Variants in RAD51B observed in about 807,000 individuals in gnomAD.
RAD51B encodes the protein DNA repair protein RAD51 homolog 2.
RAD51B carries 38 observed loss-of-function variants against 42.2 expected under a neutral mutation model. The ratio of observed to expected loss-of-function variants is 0.90; its 90% confidence interval spans 0.70 to 1.18. The LOEUF is 1.18. RAD51B is among the 50% of genes most tolerant of loss of function. The pLI is 0.00. For synonymous variants in RAD51B, 154 were observed against 145.2 expected (o/e 1.06, Z -0.43); for missense variants, 373 against 400.7 (o/e 0.93, Z 0.59).
intron 7 of RAD51B, among the ~76,000 whole-genome samples, chr14:68,119,608 G>C (rs1164397888): frequency 6.7e-6 from 1 of 148,580 alleles, no homozygotes; most frequent in Non-Finnish European, 1.5e-5. Flanking sequence ...TGAGAATGAT[G>C]ATTTCCAATT....
At chr14:68,235,703 CAAAAA>C (rs57180468) in intron 7 of RAD51B, among the ~76,000 whole-genome samples, 5 of 14,068 alleles carry the variant, frequency 3.6e-4, no homozygotes, top group African/African-American at 6.4e-4. Flanking sequence ...GACTCCGTCT[CAAAAA>C]AAAAAAAAAA....
At chr14:68,210,532 G>A (rs183431705) in intron 7 of RAD51B, among the ~76,000 whole-genome samples, 2 of 152,110 alleles carry the variant, frequency 1.3e-5, no homozygotes, top group Admixed American at 1.3e-4. Context: ...TAAGGGTGAT[G>A]GAATGACCAT....
At chr14:68,272,599 A>G (rs865894631) in intron 7 of RAD51B, among the ~76,000 whole-genome samples, 1 of 124,382 alleles carries the variant, frequency 8.0e-6, no homozygotes, top group African/African-American at 3.1e-5. Flanking sequence ...AAAAATTGAA[A>G]TGTTCTATTA....
At chr14:68,377,509 T>C (rs985206806) in intron 8 of RAD51B, among the ~76,000 whole-genome samples, 1 of 152,242 alleles carries the variant, frequency 6.6e-6, no homozygotes, top group African/African-American at 2.4e-5. Flanking sequence ...AGCAGAAGAA[T>C]CCAGCCTTGG....
At chr14:68,379,948 T>C (rs1247884158) in intron 8 of RAD51B, among the ~76,000 whole-genome samples, 1 of 152,246 alleles carries the variant, frequency 6.6e-6, no homozygotes, top group Non-Finnish European at 1.5e-5. Flanking sequence ...ATAGAGTGTG[T>C]ACTCACATAC....
intron 7 of RAD51B, among the ~76,000 whole-genome samples, chr14:68,239,510 T>C (rs900965998): frequency 7.1e-6 from 1 of 140,848 alleles, no homozygotes; most frequent in Non-Finnish European, 1.5e-5. Context: ...TCCACAGTCT[T>C]TTTTTTTTTT....
chr14:68,414,749 A>G (rs2084508197), intron 9 of RAD51B, among the ~76,000 whole-genome samples: 1 of 151,292 alleles, frequency 6.6e-6, no homozygotes, highest in Non-Finnish European at 1.5e-5. Flanking sequence ...GGCAGGACGC[A>G]GTGGCTCATG....
chr14:68,504,122 C>G (rs952869481), intron 10 of RAD51B, among the ~76,000 whole-genome samples: 1 of 152,060 alleles, frequency 6.6e-6, no homozygotes, highest in Non-Finnish European at 1.5e-5. Context: ...ATTCCGGTAC[C>G]AGAAGCTTTA....
chr14:68,064,501 T>G (rs2076618505), intron 7 of RAD51B, among the ~76,000 whole-genome samples: 1 of 152,160 alleles, frequency 6.6e-6, no homozygotes, highest in South Asian at 2.1e-4. Context: ...CTCCCAAGAC[T>G]TGGGTAGTTC....
chr14:68,234,047 G>A (rs1156864048), intron 7 of RAD51B, among the ~76,000 whole-genome samples: 1 of 152,162 alleles, frequency 6.6e-6, no homozygotes, highest in Non-Finnish European at 1.5e-5. Context: ...GGAACCAGTG[G>A]GAAAGCTGCT....
chr14:68,297,083 A>C (rs1375168131), intron 8 of RAD51B, among the ~76,000 whole-genome samples: 1 of 152,222 alleles, frequency 6.6e-6, no homozygotes, highest in African/African-American at 2.4e-5. Flanking sequence ...CCCTGCGAAA[A>C]GCTGGAGTCC....
At chr14:68,648,231 G>A (rs1262918039) in intron 10 of RAD51B, among the ~76,000 whole-genome samples, 1 of 146,358 alleles carries the variant, frequency 6.8e-6, no homozygotes, top group Non-Finnish European at 1.5e-5. Context: ...TAAAGAGTGT[G>A]CAGATGTTGC....
At chr14:67,972,418 C>T (rs1189028052) in intron 7 of RAD51B, among the ~76,000 whole-genome samples, 1 of 151,990 alleles carries the variant, frequency 6.6e-6, no homozygotes, top group African/African-American at 2.4e-5. Context: ...TTAGAGGCGA[C>T]AGGCTTATGG....
chr14:68,326,538 TC>T (rs1222959858), intron 8 of RAD51B, among the ~76,000 whole-genome samples: 1 of 152,180 alleles, frequency 6.6e-6, no homozygotes, highest in East Asian at 1.9e-4. Flanking sequence ...AAGTAGTTCT[TC>T]TTCCAGCCCA....
At chr14:68,536,269 A>G (rs921212223) in intron 10 of RAD51B, among the ~76,000 whole-genome samples, 1 of 152,222 alleles carries the variant, frequency 6.6e-6, no homozygotes, top group African/African-American at 2.4e-5. Context: ...TACTGGGAAA[A>G]GATAATCCGC....
intron 7 of RAD51B, among the ~76,000 whole-genome samples, chr14:68,081,367 A>C (rs938047674): frequency 3.0e-4 from 46 of 152,122 alleles, no homozygotes; most frequent in African/African-American, 1.1e-3. Context: ...GGCCCACAGG[A>C]GCCTCTTCAG....
intron 9 of RAD51B, among the ~76,000 whole-genome samples, chr14:68,450,228 T>C (rs968196379): frequency 6.8e-6 from 1 of 147,578 alleles, no homozygotes; most frequent in Non-Finnish European, 1.5e-5. Context: ...TTTTTTTTTT[T>C]TTTTTTTAAG....
At chr14:68,014,849 C>CAA (rs111996389) in intron 7 of RAD51B, among the ~76,000 whole-genome samples, 2,173 of 104,732 alleles carry the variant, frequency 0.021, 64 homozygotes, top group African/African-American at 0.062. Flanking sequence ...AGAATGAATG[C>CAA]AAAAAAAAAA....
At chr14:68,348,309 A>G (rs1481324837) in intron 8 of RAD51B, among the ~76,000 whole-genome samples, 1 of 152,236 alleles carries the variant, frequency 6.6e-6, no homozygotes, top group Non-Finnish European at 1.5e-5. Flanking sequence ...ATGACTAAAA[A>G]GTGAAGAATC....
Sources: allele counts gnomAD v4.1 joint callset (sites outside exome capture counted in the v4.1 genomes callset), GRCh38; gene constraint gnomAD v4.1.1; transcripts MANE v1.5; gene names NCBI Gene and HGNC (gene_info 2026-07-23, HGNC 2026-07-21).